Variants in PAPSS2 observed in about 807,000 individuals in gnomAD.
PAPSS2 encodes the protein 3'-phosphoadenosine 5'-phosphosulfate synthase 2.
Under a neutral mutation model 66.5 loss-of-function variants are expected in PAPSS2, and 61 were observed. That is an observed-to-expected ratio of 0.92 (90% CI 0.75 to 1.14). The LOEUF is 1.14. Among genes scored for constraint, PAPSS2 ranks in the 50% most tolerant of loss-of-function variants. PAPSS2 has a pLI of 0.00. For missense variants in PAPSS2, 708 were observed against 789.6 expected, an observed-to-expected ratio of 0.90 and a Z score of 1.24; for synonymous variants, 289 against 287.5, an observed-to-expected ratio of 1.01 and a Z score of -0.05.
chr10:87,738,417 ATGTGTG>A (rs58521119), intron 9 of PAPSS2, among the ~76,000 whole-genome samples: 18 of 94,030 alleles, frequency 1.9e-4, no homozygotes, highest in Admixed American at 1.3e-3. Flanking sequence ...GTGTGTGTGT[ATGTGTG>A]TGTGTGTGTG....
At chr10:87,741,726 C>T (rs1361830085) in intron 10 of PAPSS2, among the ~76,000 whole-genome samples, 1 of 150,550 alleles carries the variant, frequency 6.6e-6, no homozygotes, top group Non-Finnish European at 1.5e-5. Flanking sequence ...CCCTTACCAC[C>T]CTCTGATTAA....
intron 1 of PAPSS2, among the ~76,000 whole-genome samples, chr10:87,661,838 A>G (rs1852756427): frequency 6.6e-6 from 1 of 152,180 alleles, no homozygotes; most frequent in African/African-American, 2.4e-5. Flanking sequence ...AGCTAACTGA[A>G]ATAGAACTTT....
chr10:87,733,122 T>A (rs1190542493), intron 9 of PAPSS2, among the ~76,000 whole-genome samples: 1 of 152,238 alleles, frequency 6.6e-6, no homozygotes, highest in East Asian at 1.9e-4. Flanking sequence ...CCAAAAGTAA[T>A]TACTTCTGCG....
In PAPSS2 at chr10:87,721,752, C is replaced by G. The variant is rs1853601090; in HGVS notation, c.866-4C>G. 1 of 1,529,272 alleles carries G rather than the reference C, an allele frequency of 6.5e-7. No individual in the cohort carries two copies. The highest frequency in any genetic ancestry group is 8.9e-7 in the Non-Finnish European group (1 of 1,127,836). The allele number at this position is 1,529,272 out of a possible 1,614,324, so 94.7% of individuals were successfully genotyped here. A position where few individuals can be genotyped will look rare whatever the true frequency, so the allele number is the denominator to read the frequency against. ...GTTTCTTAATTGTGTTTATATTTCC[C>G]TAGGCATGGCCCTTCCTGGTATGTA... is the stretch of plus-strand genomic sequence containing the variant. On this transcript the variant is annotated splice_polypyrimidine_tract_variant and splice_region_variant and intron_variant, in intron 7 of 12. Transcript: ENST00000456849.
chr10:87,698,253 C>G (rs372010352), intron 1 of PAPSS2, among the ~76,000 whole-genome samples: 1 of 152,058 alleles, frequency 6.6e-6, no homozygotes, highest in African/African-American at 2.4e-5. Context: ...AGTGTTTTCT[C>G]GTTCACAGCA....
In PAPSS2 at chr10:87,718,534, C is replaced by T. The variant is rs540039387; in HGVS notation, c.865+2691C>T. ...ACCTGCTCATGCAGAAAGCCCAGTT[C>T]TTTCAAAAGCCTACCCAAGTGTTTT... On this transcript the variant is annotated intron_variant, in intron 7 of 12. Transcript: ENST00000456849. Among the ~76,000 whole-genome samples the T allele has an allele frequency of 9.8e-5, 15 of 152,346 alleles. No homozygotes were observed. The South Asian group carries it at 3.1e-3, about 32-fold the overall frequency.
chr10:87,706,028 G>GT lies in PAPSS2; in HGVS notation c.28-3168_28-3167insT, dbSNP rs200875433. Among the ~76,000 whole-genome samples, 942 of 147,302 alleles carry GT rather than the reference G, an allele frequency of 6.4e-3. 25 individuals carry two copies. Among genetic ancestry groups the GT allele is most frequent in the East Asian group, 0.057 (284 of 4,956 alleles). On this transcript the variant is annotated intron_variant, in intron 1 of 12. Transcript: ENST00000456849. The stretch of plus-strand genomic sequence containing the variant: ...ATTACAGGTGTGAGCCGCCGCGTCT[G>GT]GCCAGGTTGTCTTTTTATTACTGAG...
intron 9 of PAPSS2, among the ~76,000 whole-genome samples, chr10:87,739,867 T>C (rs143160106): frequency 6.6e-6 from 1 of 152,234 alleles, no homozygotes; most frequent in Non-Finnish European, 1.5e-5. Context: ...TAAAAGCGAT[T>C]ATTAAATCTT....
At chr10:87,733,845 T>C (rs1158055853) in intron 9 of PAPSS2, among the ~76,000 whole-genome samples, 1 of 147,992 alleles carries the variant, frequency 6.8e-6, no homozygotes, top group Non-Finnish European at 1.5e-5. Flanking sequence ...CCCAAGCCTG[T>C]TCCCCCTACT....
At chr10:87,706,108 A>ATATATATGTGTGTGTGTGTGTG in intron 1 of PAPSS2, among the ~76,000 whole-genome samples, 15 of 52,020 alleles carry the variant, frequency 2.9e-4, no homozygotes, top group South Asian at 1.4e-3. Context: ...ATATATATAT[A>ATATATATGTGTGTGTGTGTGTG]TGTGTGTGTG....
rs375404562 is a variant in PAPSS2 at position 87,668,989 on chromosome 10, G to A, written c.27+8981G>A. On this transcript the variant is annotated intron_variant, in intron 1 of 12. Coordinates refer to ENST00000456849, the MANE Select transcript of PAPSS2 (RefSeq NM_001015880.2). The stretch of plus-strand genomic sequence containing the variant: ...CATAAACAAAACTTCCTCCCAGTTG[G>A]TTTATTACATTCTGACTTAGCTTTA... 2.6e-5 allele frequency among the ~76,000 whole-genome samples: 4 copies of A among 152,212 alleles called. No individual in the cohort carries two copies. The South Asian group carries it at 6.2e-4, about 24-fold the overall frequency.
chr10:87,660,121 G>A (rs1453688909), intron 1 of PAPSS2, 113 bp downstream of exon 1: 1 of 1,082,112 alleles, frequency 9.2e-7, no homozygotes, highest in African/African-American at 1.6e-5. Context: ...GGCGTCGGGA[G>A]GAGGAGTAAG....
intron 1 of PAPSS2, among the ~76,000 whole-genome samples, chr10:87,702,503 T>G (rs192738823): frequency 1.3e-5 from 2 of 152,310 alleles, no homozygotes; most frequent in Admixed American, 1.3e-4. Context: ...AAAATGGGTC[T>G]TTAAATGAAT....
chr10:87,663,447 A>T (rs576340972), intron 1 of PAPSS2, among the ~76,000 whole-genome samples: 4 of 152,194 alleles, frequency 2.6e-5, no homozygotes, highest in African/African-American at 9.6e-5. Flanking sequence ...TAAAGACACT[A>T]CCGAAGGCAA....
chr10:87,696,759 T>A (rs1199743105), intron 1 of PAPSS2, among the ~76,000 whole-genome samples: 1 of 152,184 alleles, frequency 6.6e-6, no homozygotes, highest in Non-Finnish European at 1.5e-5. Context: ...GAAACTGAAG[T>A]GATTATGAAA....
At chr10:87,689,856 A>G (rs1194806939) in intron 1 of PAPSS2, among the ~76,000 whole-genome samples, 2 of 152,196 alleles carry the variant, frequency 1.3e-5, no homozygotes, top group African/African-American at 4.8e-5. Context: ...AAGGTGTACA[A>G]TATAGCTTAT....
At chr10:87,735,416 G>C (rs1006172094) in intron 9 of PAPSS2, among the ~76,000 whole-genome samples, 2 of 152,142 alleles carry the variant, frequency 1.3e-5, no homozygotes, top group African/African-American at 4.8e-5. Context: ...AGCAATATAC[G>C]GTGGACCCCT....
chr10:87,707,570 T>C (rs868689098), intron 1 of PAPSS2, among the ~76,000 whole-genome samples: 191 of 110,960 alleles, frequency 1.7e-3, no homozygotes, highest in African/African-American at 5.2e-3. Flanking sequence ...TTTTCTTTTT[T>C]TTTTTTTTTT....
chr10:87,744,753 T>G (rs1378402629), intron 11 of PAPSS2, among the ~76,000 whole-genome samples: 1 of 152,206 alleles, frequency 6.6e-6, no homozygotes, highest in African/African-American at 2.4e-5. Context: ...CTAGCCTGTT[T>G]GGAGAAGAGA....
Sources: allele counts gnomAD v4.1 joint callset (sites outside exome capture counted in the v4.1 genomes callset), GRCh38; gene constraint gnomAD v4.1.1; transcripts MANE v1.5; gene names NCBI Gene and HGNC (gene_info 2026-07-23, HGNC 2026-07-21).